The following MNDA variants were observed in gnomAD, a reference collection of about 807,000 sequenced individuals.
MNDA encodes myeloid cell nuclear differentiation antigen.
MNDA carries 43 observed loss-of-function variants against 37.8 expected under a neutral mutation model. The observed-to-expected ratio is 1.14, with a 90% confidence interval of 0.89 to 1.47. The LOEUF is 1.47. Among genes scored for constraint, MNDA ranks in the 40% most tolerant of loss-of-function variants. The probability of loss-of-function intolerance (pLI) is 0.00; values close to 1 mark genes in which losing one functional copy is unlikely to be tolerated. For missense variants in MNDA, 536 were observed against 476.0 expected (o/e 1.13, Z -1.17); for synonymous variants, 181 against 169.0 (o/e 1.07, Z -0.55).
In MNDA at chr1:158,839,876, C is replaced by T. The variant is rs532547469; in HGVS notation, c.-20-2258C>T. ...ATGGTATAATGAAAGTCTGGAACGT[C>T]CTTGTCTGCAATCTTGCTAATGTCA... On this transcript the variant is annotated intron_variant, in intron 1 of 6. Coordinates refer to ENST00000368141, the MANE Select transcript of MNDA (RefSeq NM_002432.3). 6.6e-5 allele frequency among the ~76,000 whole-genome samples: 10 copies of T among 152,282 alleles called. No individual in the cohort carries two copies. The East Asian group carries it at 1.7e-3, about 26-fold the overall frequency.
At chr1:158,832,158 A>AT (rs964657398) in intron 1 of MNDA, among the ~76,000 whole-genome samples, 89 of 152,208 alleles carry the variant, frequency 5.8e-4, no homozygotes, top group African/African-American at 2.0e-3. Flanking sequence ...CATAGATAAC[A>AT]TTTTTTGTGG....
At chr1:158,840,787 T>G (rs984876456) in intron 1 of MNDA, among the ~76,000 whole-genome samples, 1 of 152,200 alleles carries the variant, frequency 6.6e-6, no homozygotes, top group African/African-American at 2.4e-5. Context: ...ATCATTTTGC[T>G]TTTAATATTC....
At chr1:158,848,469 T>C (rs1025482434) in intron 6 of MNDA, among the ~76,000 whole-genome samples, 1 of 151,972 alleles carries the variant, frequency 6.6e-6, no homozygotes, top group Non-Finnish European at 1.5e-5. Context: ...CATAGCGTAA[T>C]GAGTTCTGTA....
intron 4 of MNDA, among the ~76,000 whole-genome samples, chr1:158,845,338 T>C (rs536749825): frequency 2.0e-5 from 3 of 152,170 alleles, no homozygotes; most frequent in African/African-American, 7.2e-5. Context: ...CCCAGGTTCA[T>C]GCCATTCTGC....
chr1:158,841,160 C>T (rs926454551), intron 1 of MNDA, among the ~76,000 whole-genome samples: 1 of 151,990 alleles, frequency 6.6e-6, no homozygotes, highest in African/African-American at 2.4e-5. Flanking sequence ...TCCCAGATAG[C>T]AGGAAGGGAA....
rs751933330 is a variant in MNDA at position 158,847,948 on chromosome 1, T to C, written c.1176+32T>C. On this transcript the variant is annotated intron_variant, in intron 6 of 6. Transcript: ENST00000368141. ...ACTGGATAGAGGAGAATGAGTTTGC[T>C]AAAGAGGCAAATAATTTTGCTTAGG... 8.7e-5 allele frequency: 138 copies of C among 1,585,406 alleles called. 1 individual carries two copies. The highest frequency in any genetic ancestry group is 1.9e-5 in the Non-Finnish European group (22 of 1,164,434).
chr1:158,848,944 C>G (rs990776837), intron 6 of MNDA, among the ~76,000 whole-genome samples: 1 of 151,984 alleles, frequency 6.6e-6, no homozygotes, highest in African/African-American at 2.4e-5. Flanking sequence ...ACCAGGATAC[C>G]ACAGAAGTTT....
chr1:158,847,597 C>A, intron 5 of MNDA, 131 bp from the exon 6 acceptor site: 3 of 732,930 alleles, frequency 4.1e-6, no homozygotes, highest in Non-Finnish European at 6.1e-6. Context: ...AGATGGCAGG[C>A]CAAGCCACAT....
At chr1:158,833,743 A>C (rs1208037457) in intron 1 of MNDA, among the ~76,000 whole-genome samples, 2 of 152,124 alleles carry the variant, frequency 1.3e-5, no homozygotes, top group Non-Finnish European at 2.9e-5. Context: ...CTTTTTATTC[A>C]TTCATCCATT....
intron 5 of MNDA, among the ~76,000 whole-genome samples, chr1:158,847,295 C>T (rs530454958): frequency 1.3e-5 from 2 of 152,198 alleles, no homozygotes; most frequent in African/African-American, 4.8e-5. Flanking sequence ...ATTTGTACCC[C>T]AAAAGCTATT....
At position 158,842,344 on chromosome 1, in the gene MNDA, A is replaced by G; in HGVS notation, c.191A>G (p.Lys64Arg). Residue 64 changes from lysine (K) to arginine (R), a missense_variant, in exon 2 of 7, where the codon AAA (lysine) becomes AGA (arginine). Transcript: ENST00000368141. ...KKFQGVACLD[K>R]LIELAKDMPS... The stretch of plus-strand genomic sequence containing the variant: ...TTCCAAGGCGTTGCCTGTCTAGACA[A>G]ACTAATAGAACTTGCCAAAGATATG... 6.2e-7 allele frequency: 1 copy of G among 1,614,104 alleles called. No individual in the cohort carries two copies.
rs140423941 is a variant in MNDA at position 158,848,192 on chromosome 1, T to C, written c.1176+276T>C. Among the ~76,000 whole-genome samples the C allele has an allele frequency of 1.5e-3, 221 of 152,298 alleles. 1 individual carries two copies. Among genetic ancestry groups the C allele is most frequent in the African/African-American group, 4.9e-3 (202 of 41,582 alleles). ...AGGGCTCAAGAGCAAGGGTTCTGAA[T>C]AAGACAGATCTGATTTGAATCCTGG... On this transcript the variant is annotated intron_variant, in intron 6 of 6. Transcript: ENST00000368141.
chr1:158,837,971 T>C (rs999893047), intron 1 of MNDA, among the ~76,000 whole-genome samples: 1 of 151,968 alleles, frequency 6.6e-6, no homozygotes, highest in African/African-American at 2.4e-5. Flanking sequence ...TTCAATCATA[T>C]GCAAAATGTT....
At chr1:158,844,607 C>T (rs973212313) in intron 4 of MNDA, among the ~76,000 whole-genome samples, 2 of 151,338 alleles carry the variant, frequency 1.3e-5, no homozygotes, top group Non-Finnish European at 2.9e-5. Context: ...GGACATAGCT[C>T]TAACCAGAAA....
At chr1:158,843,834 G>A in intron 3 of MNDA, 121 bp from the exon 4 acceptor site, 1 of 829,984 alleles carries the variant, frequency 1.2e-6, no homozygotes, top group South Asian at 1.9e-5. Flanking sequence ...ATTCCCTGGG[G>A]TTTCCAAGGA....
At chr1:158,848,049 G>T in intron 6 of MNDA, 133 bp downstream of exon 6, 2 of 780,772 alleles carry the variant, frequency 2.6e-6, no homozygotes, top group Non-Finnish European at 4.1e-6. Flanking sequence ...CAATGCCCTT[G>T]CATTTGTAAC....
Position 158,845,709 on chromosome 1 carries a change from G to A in MNDA, c.693G>A (p.Gly231=). Residue 231 remains glycine (G), a synonymous_variant, in exon 5 of 7, where the codon GGG becomes GGA. Coordinates refer to ENST00000368141, the MANE Select transcript of MNDA (RefSeq NM_002432.3). The part of the protein sequence containing the change: ...APFKYESPEN[G]KSTMFHATVA... ...TTAAATACGAGTCCCCAGAAAATGG[G>A]AAAAGCACAATGTTTCATGCTACAG... 6.2e-7 allele frequency: 1 copy of A among 1,614,084 alleles called. No homozygotes were observed. Among genetic ancestry groups the A allele is most frequent in the South Asian group, 1.1e-5 (1 of 91,082 alleles).
At chr1:158,842,503 C>T in intron 2 of MNDA, 85 bp downstream of exon 2, 1 of 1,406,606 alleles carries the variant, frequency 7.1e-7, no homozygotes, top group Non-Finnish European at 9.7e-7. Context: ...ATAGCTGGTA[C>T]ATCCCTTTTC....
intron 1 of MNDA, among the ~76,000 whole-genome samples, chr1:158,838,015 G>A (rs1319978348): frequency 4.6e-5 from 7 of 151,548 alleles, no homozygotes; most frequent in Non-Finnish European, 8.9e-5. Flanking sequence ...CATATTTTAT[G>A]TTAATATTAC....
Sources: allele counts gnomAD v4.1 joint callset (sites outside exome capture counted in the v4.1 genomes callset), GRCh38; gene constraint gnomAD v4.1.1; transcripts MANE v1.5; gene names NCBI Gene and HGNC (gene_info 2026-07-23, HGNC 2026-07-21).